Variants in IQCK observed in about 807,000 individuals in gnomAD.
The protein encoded by IQCK is IQ domain-containing protein K.
In IQCK, 29 loss-of-function variants were observed where a neutral mutation model predicts 28.1. The observed-to-expected ratio is 1.03, with a 90% CI of 0.77 to 1.41. The LOEUF (loss-of-function observed/expected upper bound fraction) is 1.41. IQCK is among the 40% of genes most tolerant of loss of function. IQCK has a pLI of 0.00. For missense variants in IQCK, 359 were observed against 314.7 expected (o/e 1.14, Z -1.07); for synonymous variants, 113 against 115.1 (o/e 0.98, Z 0.12).
chr16:19,811,991 T>C (rs1461616200), intron 7 of IQCK, among the ~76,000 whole-genome samples: 1 of 150,776 alleles, frequency 6.6e-6, no homozygotes, highest in Non-Finnish European at 1.5e-5. Context: ...CTTAATTTTT[T>C]TTTTTTTTTT....
At chr16:19,726,733 T>A (rs1442902463) in intron 1 of IQCK, among the ~76,000 whole-genome samples, 1 of 152,224 alleles carries the variant, frequency 6.6e-6, no homozygotes, top group Non-Finnish European at 1.5e-5. Context: ...TATGGTTGGT[T>A]CTGTTCATCC....
chr16:19,749,590 G>C (rs1001460862), intron 4 of IQCK, among the ~76,000 whole-genome samples: 1 of 151,928 alleles, frequency 6.6e-6, no homozygotes, highest in Non-Finnish European at 1.5e-5. Flanking sequence ...GTGAAACCCC[G>C]TCTCTACAAA....
At chr16:19,757,325 G>T (rs2151703941) in intron 4 of IQCK, among the ~76,000 whole-genome samples, 1 of 152,284 alleles carries the variant, frequency 6.6e-6, no homozygotes, top group South Asian at 2.1e-4. Flanking sequence ...TCTTCTACGT[G>T]CATCCAGTAT....
intron 9 of IQCK, among the ~76,000 whole-genome samples, chr16:19,832,862 T>G (rs1278393733): frequency 6.6e-6 from 1 of 151,958 alleles, no homozygotes; most frequent in African/African-American, 2.4e-5. Flanking sequence ...CTGTCAAACA[T>G]AAACCATCAG....
At chr16:19,744,555 A>C (rs1407897980) in intron 4 of IQCK, among the ~76,000 whole-genome samples, 3 of 152,254 alleles carry the variant, frequency 2.0e-5, no homozygotes, top group Non-Finnish European at 4.4e-5. Context: ...CCTTAAGCAC[A>C]TGATTTCCAT....
At chr16:19,829,952 C>T (rs959610469), downstream of IQCK, among the ~76,000 whole-genome samples, 8 of 152,140 alleles carry the variant, frequency 5.3e-5, no homozygotes, top group African/African-American at 1.9e-4. Context: ...GATGTGTCTG[C>T]CTGGCTTAAC....
At chr16:19,775,226 CAAAAA>C (rs1269665221) in intron 6 of IQCK, among the ~76,000 whole-genome samples, 3 of 82,404 alleles carry the variant, frequency 3.6e-5, no homozygotes, top group Admixed American at 1.4e-4. Flanking sequence ...GACTCTGTAT[CAAAAA>C]AAAAAAAAAA....
intron 7 of IQCK, among the ~76,000 whole-genome samples, chr16:19,823,793 TGGG>T (rs906374120): frequency 5.3e-5 from 8 of 151,996 alleles, no homozygotes; most frequent in African/African-American, 1.9e-4. Context: ...AAAAATTAGA[TGGG>T]GTGGTGCATG....
intron 4 of IQCK, among the ~76,000 whole-genome samples, chr16:19,743,486 G>C (rs954973391): frequency 8.5e-5 from 13 of 152,216 alleles, no homozygotes; most frequent in South Asian, 6.2e-4. Flanking sequence ...TTCAAGAATA[G>C]TAGTTGTCAG....
chr16:19,765,700 AC>A (rs1422819043), intron 6 of IQCK, among the ~76,000 whole-genome samples: 25 of 152,316 alleles, frequency 1.6e-4, no homozygotes, highest in African/African-American at 5.8e-4. Flanking sequence ...CTAAGATTAC[AC>A]ATTGAAAGGA....
At chr16:19,851,567 G>A (rs1275096224) in intron 9 of IQCK, among the ~76,000 whole-genome samples, 3 of 152,148 alleles carry the variant, frequency 2.0e-5, no homozygotes, top group Admixed American at 6.5e-5. Flanking sequence ...GGATAAGGGC[G>A]ACCACGAGGA....
At chr16:19,838,629 A>G (rs1281341359) in intron 9 of IQCK, among the ~76,000 whole-genome samples, 1 of 152,168 alleles carries the variant, frequency 6.6e-6, no homozygotes, top group East Asian at 1.9e-4. Context: ...AAAGATCCGC[A>G]ATCCTCATAG....
chr16:19,773,637 C>T (rs2055347034), intron 6 of IQCK, among the ~76,000 whole-genome samples: 1 of 152,148 alleles, frequency 6.6e-6, no homozygotes, highest in East Asian at 1.9e-4. Flanking sequence ...CATAGATGTA[C>T]CATATATGAA....
At chr16:19,803,287 C>T (rs931844635) in intron 7 of IQCK, among the ~76,000 whole-genome samples, 3 of 152,110 alleles carry the variant, frequency 2.0e-5, no homozygotes, top group Non-Finnish European at 4.4e-5. Flanking sequence ...GGATTACAGG[C>T]GCACGCCACT....
At chr16:19,823,722 A>G (rs2056105881) in intron 7 of IQCK, among the ~76,000 whole-genome samples, 1 of 152,156 alleles carries the variant, frequency 6.6e-6, no homozygotes, top group Non-Finnish European at 1.5e-5. Context: ...AGACCACCTG[A>G]GGTCAGGAGT....
At position 19,839,222 on chromosome 16, in the gene IQCK, A is replaced by G. The variant is rs9745657; in HGVS notation, c.802+12085A>G. On this transcript the variant is annotated intron_variant, in intron 9 of 9. Transcript: ENST00000320394. ...GTCACCCAGGATGGAGTGCAATGGCATGATCTTGGCTCACTGCAACCTCCA... is the reference window on the plus strand; with the variant it reads ...GTCACCCAGGATGGAGTGCAATGGCGTGATCTTGGCTCACTGCAACCTCCA... 4.6e-5 allele frequency among the ~76,000 whole-genome samples: 7 copies of G among 151,070 alleles called. No homozygotes were observed. In the East Asian group the frequency reaches 1.2e-3, roughly 26 times the overall value.
At chr16:19,754,058 C>CT (rs2055020799) in intron 4 of IQCK, among the ~76,000 whole-genome samples, 1 of 152,092 alleles carries the variant, frequency 6.6e-6, no homozygotes, top group African/African-American at 2.4e-5. Flanking sequence ...TGGCTCAGGT[C>CT]TAGGTGGGGT....
chr16:19,842,083 T>C (rs1322540447), intron 9 of IQCK, among the ~76,000 whole-genome samples: 2 of 152,136 alleles, frequency 1.3e-5, no homozygotes, highest in Non-Finnish European at 2.9e-5. Flanking sequence ...TGACCTCAGG[T>C]GATCTGCCCA....
intron 7 of IQCK, among the ~76,000 whole-genome samples, chr16:19,790,773 A>G: frequency 1.1e-5 from 1 of 88,684 alleles, no homozygotes; most frequent in East Asian, 3.1e-4. Flanking sequence ...AAGTTAAGTA[A>G]CATATTTGCA....
Sources: allele counts gnomAD v4.1 joint callset (sites outside exome capture counted in the v4.1 genomes callset), GRCh38; gene constraint gnomAD v4.1.1; transcripts MANE v1.5; gene names NCBI Gene and HGNC (gene_info 2026-07-23, HGNC 2026-07-21).